Variants in OXR1 observed in about 807,000 individuals in gnomAD.
OXR1 encodes the protein oxidation resistance 1.
A neutral mutation model predicts 104.6 loss-of-function variants in OXR1; 41 were observed. The observed-to-expected ratio is 0.39, with a 90% CI of 0.31 to 0.51. OXR1 has a LOEUF of 0.51. OXR1 is among the 20% of genes least tolerant of loss of function. The probability of loss-of-function intolerance (pLI) is 0.77; values close to 1 mark genes in which losing one functional copy is unlikely to be tolerated. For missense variants in OXR1, 955 were observed against 1,031.9 expected (o/e 0.93, Z 1.02); for synonymous variants, 348 against 348.4 (o/e 1.00, Z 0.01).
intron 3 of OXR1, among the ~76,000 whole-genome samples, chr8:106,659,803 G>C (rs2131079106): frequency 6.6e-6 from 1 of 152,330 alleles, no homozygotes; most frequent in South Asian, 2.1e-4. Context: ...AATCCAGACT[G>C]GGCAGCAGAG....
intron 16 of OXR1, among the ~76,000 whole-genome samples, chr8:106,746,945 G>A (rs765883163): frequency 9.2e-5 from 14 of 152,140 alleles, no homozygotes; most frequent in Non-Finnish European, 1.6e-4. Flanking sequence ...GCCATTAGAT[G>A]TCTGCTGGAA....
chr8:106,554,968 T>C (rs980038114), intron 3 of OXR1, among the ~76,000 whole-genome samples: 1 of 152,186 alleles, frequency 6.6e-6, no homozygotes, highest in African/African-American at 2.4e-5. Context: ...AAATGGTTAT[T>C]ATAATAAAAC....
At chr8:106,699,920 A>G (rs1378178725) in intron 7 of OXR1, among the ~76,000 whole-genome samples, 1 of 152,210 alleles carries the variant, frequency 6.6e-6, no homozygotes, top group African/African-American at 2.4e-5. Flanking sequence ...GTAAGACTGA[A>G]AAAATATCAG....
chr8:106,595,428 T>G (rs1298509946), intron 3 of OXR1, among the ~76,000 whole-genome samples: 1 of 151,084 alleles, frequency 6.6e-6, no homozygotes, highest in Non-Finnish European at 1.5e-5. Flanking sequence ...TGGGCGCTTG[T>G]AATCCCAGCT....
chr8:106,402,786 T>A (rs1818051405), intron 2 of OXR1, among the ~76,000 whole-genome samples: 1 of 152,164 alleles, frequency 6.6e-6, no homozygotes, highest in Admixed American at 6.5e-5. Flanking sequence ...CAACTTCCCC[T>A]TCATTGAAAG....
intron 6 of OXR1, among the ~76,000 whole-genome samples, chr8:106,688,458 C>A (rs1828961457): frequency 1.3e-5 from 2 of 151,492 alleles, no homozygotes; most frequent in South Asian, 2.1e-4. Context: ...TGAGGAAGGC[C>A]TAGGAAGTCC....
chr8:106,521,058 T>G (rs1312352814), intron 3 of OXR1, among the ~76,000 whole-genome samples: 2 of 152,184 alleles, frequency 1.3e-5, no homozygotes, highest in Non-Finnish European at 1.5e-5. Context: ...GGCATGTCTA[T>G]TGTGTTAAAA....
At chr8:106,435,835 C>T (rs1819545166) in intron 2 of OXR1, among the ~76,000 whole-genome samples, 1 of 152,222 alleles carries the variant, frequency 6.6e-6, no homozygotes, top group South Asian at 2.1e-4. Context: ...TGACATATTT[C>T]GTCACCCTTC....
intron 1 of OXR1, among the ~76,000 whole-genome samples, chr8:106,302,640 G>T (rs1813292191): frequency 6.6e-6 from 1 of 151,610 alleles, no homozygotes; most frequent in Non-Finnish European, 1.5e-5. Context: ...ATAATATAAT[G>T]ACAGAGAAAA....
chr8:106,568,386 T>C (rs1448091359), intron 3 of OXR1, among the ~76,000 whole-genome samples: 1 of 152,192 alleles, frequency 6.6e-6, no homozygotes, highest in Non-Finnish European at 1.5e-5. Flanking sequence ...CATTTTAGAA[T>C]TCTCAAATCT....
chr8:106,672,710 C>T (rs978532185), intron 3 of OXR1, among the ~76,000 whole-genome samples: 1 of 152,036 alleles, frequency 6.6e-6, no homozygotes, highest in African/African-American at 2.4e-5. Context: ...AGGGAGAAAC[C>T]AGGTGGAGGG....
At chr8:106,632,307 T>G (rs1420067037) in intron 3 of OXR1, among the ~76,000 whole-genome samples, 1 of 152,238 alleles carries the variant, frequency 6.6e-6, no homozygotes, top group Non-Finnish European at 1.5e-5. Context: ...ATGTTCTGTG[T>G]CTTTTATCTT....
chr8:106,479,501 A>G (rs1374592849), intron 2 of OXR1, among the ~76,000 whole-genome samples: 3 of 152,006 alleles, frequency 2.0e-5, no homozygotes, highest in African/African-American at 7.2e-5. Context: ...GTTGCATTGT[A>G]TAATTCCAGA....
chr8:106,478,469 A>T (rs1821924047), intron 2 of OXR1, among the ~76,000 whole-genome samples: 1 of 151,868 alleles, frequency 6.6e-6, no homozygotes, highest in African/African-American at 2.4e-5. Context: ...AAAGGGCAAT[A>T]AAAAAATCTC....
chr8:106,478,247 C>A (rs1821911808), intron 2 of OXR1, among the ~76,000 whole-genome samples: 1 of 151,714 alleles, frequency 6.6e-6, no homozygotes, highest in Non-Finnish European at 1.5e-5. Flanking sequence ...GAGTCCTTAA[C>A]TTTTTGTGTT....
At chr8:106,353,405 ACAAT>A (rs1162264457) in intron 1 of OXR1, among the ~76,000 whole-genome samples, 2 of 150,300 alleles carry the variant, frequency 1.3e-5, no homozygotes, top group South Asian at 2.1e-4. Flanking sequence ...AACTATATAG[ACAAT>A]CAATTTTCAC....
intron 1 of OXR1, among the ~76,000 whole-genome samples, chr8:106,354,138 C>T (rs2130317223): frequency 6.6e-6 from 1 of 151,282 alleles, no homozygotes; most frequent in African/African-American, 2.4e-5. Context: ...ATTCAGAGCT[C>T]AGGTATGAGC....
chr8:106,553,095 A>T (rs1815982883), intron 3 of OXR1, among the ~76,000 whole-genome samples: 1 of 152,184 alleles, frequency 6.6e-6, no homozygotes, highest in Non-Finnish European at 1.5e-5. Context: ...AATTGTAGGC[A>T]TAAATGCTAA....
intron 1 of OXR1, among the ~76,000 whole-genome samples, chr8:106,350,784 G>A (rs921065722): frequency 6.6e-6 from 1 of 152,174 alleles, no homozygotes; most frequent in South Asian, 2.1e-4. Flanking sequence ...GTTCTAGAGA[G>A]ACACATATCT....
Sources: gnomAD v4.1 joint callset for allele counts (sites outside exome capture counted in the v4.1 genomes callset) on GRCh38, gnomAD v4.1.1 for gene constraint, MANE v1.5 for transcripts, NCBI Gene and HGNC (gene_info 2026-07-23, HGNC 2026-07-21) for gene names.